EPAS1: variants seen among roughly 807,000 people sequenced by gnomAD.
The protein encoded by EPAS1 is endothelial PAS domain protein 1.
Under a neutral mutation model 87.9 loss-of-function variants are expected in EPAS1, and 23 were observed. The observed-to-expected ratio is 0.26, with a 90% CI of 0.19 to 0.37. The LOEUF (loss-of-function observed/expected upper bound fraction) is 0.37. Ranked by LOEUF, EPAS1 falls within the 10% of genes least tolerant of loss-of-function variation. The probability of loss-of-function intolerance (pLI) is 1.00; values close to 1 mark genes in which losing one functional copy is unlikely to be tolerated. For missense variants in EPAS1, 1,138 were observed against 1,120.7 expected (o/e 1.02, Z -0.22); for synonymous variants, 508 against 444.3 (o/e 1.14, Z -1.80).
intron 6 of EPAS1, among the ~76,000 whole-genome samples, chr2:46,368,826 C>T (rs1477219082): frequency 1.3e-5 from 2 of 152,110 alleles, no homozygotes; most frequent in Admixed American, 6.5e-5. Context: ...TGTGAGAGAA[C>T]CAAGATTTTG....
chr2:46,316,429 T>G (rs1683318539), intron 1 of EPAS1, among the ~76,000 whole-genome samples: 1 of 152,004 alleles, frequency 6.6e-6, no homozygotes, highest in Non-Finnish European at 1.5e-5. Context: ...CCCAGCTAAT[T>G]TTTGTGTTTT....
chr2:46,374,138 T>C, intron 7 of EPAS1, among the ~76,000 whole-genome samples: 1 of 152,208 alleles, frequency 6.6e-6, no homozygotes, highest in Admixed American at 6.5e-5. Context: ...TGTTAAATTG[T>C]GAAGAAGAAA....
Position 46,385,244 on chromosome 2 carries a change from T to G in EPAS1, c.*584T>G, listed in dbSNP as rs993959411. ...CTCTAATTTTGGAAAAAAAGAAATG[T>G]GAAGGGTCAACTCCAACGTATGTGG... is the stretch of plus-strand genomic sequence containing the variant. On this transcript the variant is annotated 3_prime_UTR_variant, in exon 16 of 16. Transcript: ENST00000263734. The G allele has an allele frequency of 1.2e-4, 19 of 153,794 alleles. No individual in the cohort carries two copies. Among genetic ancestry groups the G allele is most frequent in the African/African-American group, 4.3e-4 (18 of 41,380 alleles). 9.5% of individuals were successfully genotyped at this position (153,794 alleles called of 1,614,324 possible). A position where few individuals can be genotyped will look rare whatever the true frequency, so the allele number is the denominator to read the frequency against.
At chr2:46,325,366 T>A (rs768576301) in intron 1 of EPAS1, among the ~76,000 whole-genome samples, 1 of 152,178 alleles carries the variant, frequency 6.6e-6, no homozygotes, top group African/African-American at 2.4e-5. Flanking sequence ...TAAAGAAAAA[T>A]TCTGCCGATG....
chr2:46,366,865 G>A (rs1254467115), intron 6 of EPAS1, among the ~76,000 whole-genome samples: 1 of 152,224 alleles, frequency 6.6e-6, no homozygotes, highest in African/African-American at 2.4e-5. Context: ...TTATAAACAA[G>A]CTCGGTTCAT....
In EPAS1 at chr2:46,380,907, A is replaced by G. The variant is rs192407845; in HGVS notation, c.2045+190A>G. Among the ~76,000 whole-genome samples the G allele has an allele frequency of 6.6e-6, 1 of 152,118 alleles. No individual in the cohort carries two copies. The highest frequency in any genetic ancestry group is 2.4e-5 in the African/African-American group (1 of 41,506). On this transcript the variant is annotated intron_variant, in intron 12 of 15. Transcript: ENST00000263734. The surrounding 1 kb of genome is among the most constrained non-coding windows in gnomAD (Gnocchi z 4.4). ...GAGGCCTAGTGTAGGATGGGTTTTT[A>G]TCTGGGCTGCCACTGAGGGCAGGCA... is the stretch of plus-strand genomic sequence containing the variant.
chr2:46,361,084 A>G lies in EPAS1; in HGVS notation c.773A>G (p.Asp258Gly), dbSNP rs1684376877. 4 of 1,614,136 alleles carry G rather than the reference A, an allele frequency of 2.5e-6. No homozygotes were observed. The highest frequency in any genetic ancestry group is 3.4e-6 in the Non-Finnish European group (4 of 1,180,010). The change falls in exon 6 of 16, where the codon GAT (aspartate) becomes GGT (glycine). Residue 258 changes from aspartate (D) to glycine (G), a missense_variant. Physicochemically the swap from Asp to Gly is moderately conservative, Grantham distance 94 (BLOSUM62 -1). This residue lies in a region of EPAS1 where 351 missense variants were observed against 417.1 expected (regional missense o/e 0.84). Transcript: ENST00000263734. The stretch of plus-strand genomic sequence containing the variant: ...ATGGACATGAAGTTCACCTACTGTG[A>G]TGACAGGTAGGGGGCCATGGGTGTG... ...HSMDMKFTYCDDRITELIGYH... is the reference protein window; with the variant it reads ...HSMDMKFTYCGDRITELIGYH...
chr2:46,374,727 C>T (rs979735671), intron 7 of EPAS1, among the ~76,000 whole-genome samples: 28 of 152,086 alleles, frequency 1.8e-4, no homozygotes, highest in African/African-American at 6.8e-4. Context: ...AGAAAAATAC[C>T]AAAAATTCTA....
chr2:46,358,975 A>T (rs6544890), intron 4 of EPAS1, among the ~76,000 whole-genome samples: 98,519 of 151,824 alleles, frequency 0.65, 33,892 homozygotes, highest in East Asian at 0.89. Context: ...GAAAGAATGA[A>T]CAAGGCCAGG....
chr2:46,330,410 A>G (rs978035718), intron 1 of EPAS1, among the ~76,000 whole-genome samples: 2 of 152,214 alleles, frequency 1.3e-5, no homozygotes, highest in African/African-American at 2.4e-5. Flanking sequence ...AGTCCAGGCT[A>G]CCTTCTGCCC....
chr2:46,315,255 A>T (rs1199438619), intron 1 of EPAS1, among the ~76,000 whole-genome samples: 1 of 152,200 alleles, frequency 6.6e-6, no homozygotes, highest in Non-Finnish European at 1.5e-5. Flanking sequence ...TGAGACAGTG[A>T]GAACGGACTG....
Position 46,316,704 on chromosome 2 carries a change from G to A in EPAS1, c.26+18767G>A, listed in dbSNP as rs141643245. ...TGGCTGCAGAACTGATTAGTGTGAC[G>A]GTTGCTGAAGGTTGGGGTGGCTGTG... On this transcript the variant is annotated intron_variant, in intron 1 of 15. Coordinates refer to ENST00000263734, the MANE Select transcript of EPAS1 (RefSeq NM_001430.5). 4.9e-3 allele frequency among the ~76,000 whole-genome samples: 751 copies of A among 152,270 alleles called. 7 individuals are homozygous for A. The highest frequency in any genetic ancestry group is 0.017 in the African/African-American group (720 of 41,542).
Position 46,380,620 on chromosome 2 carries a change from A to C in EPAS1, c.1948A>C (p.Thr650Pro), listed in dbSNP as rs778679646. 1.5e-5 allele frequency: 24 copies of C among 1,613,874 alleles called. No homozygotes were observed. The East Asian group carries it at 4.9e-4, about 33-fold the overall frequency. Residue 650 changes from threonine to proline, a missense_variant, in exon 12 of 16, where the codon ACA becomes CCA. This residue lies in a region of EPAS1 where 502 missense variants were observed against 427.1 expected (regional missense o/e 1.18). Transcript: ENST00000263734. This position sits in a 1 kb window ranked among gnomAD's most constrained non-coding sequence, Gnocchi z 4.4. ...AGATCCACCATTACATTTTGGGCCC[A>C]CAAAGTGGGCCGTCGGGGATCAGCG... ...PPDPPLHFGPTKWAVGDQRTE... is the reference protein window; with the variant it reads ...PPDPPLHFGPPKWAVGDQRTE...
At chr2:46,356,334 G>A (rs775512038) in intron 3 of EPAS1, 32 bp downstream of exon 3, 1 of 1,613,862 alleles carries the variant, frequency 6.2e-7, no homozygotes, top group Non-Finnish European at 8.5e-7. Flanking sequence ...TTCAAAAGAA[G>A]AAATGTTTCC....
At position 46,297,898 on chromosome 2, in the gene EPAS1, G is replaced by C; in HGVS notation, c.-14G>C. The C allele has an allele frequency of 6.2e-7, 1 of 1,611,494 alleles. No homozygotes were observed. The stretch of plus-strand genomic sequence containing the variant: ...GTGCTCGGCGTCTGAACGTCTCAAA[G>C]GGCCACAGCGACAATGACAGCTGAC... On this transcript the variant is annotated 5_prime_UTR_variant, in exon 1 of 16. Transcript: ENST00000263734.
chr2:46,301,131 C>A (rs1285779086), intron 1 of EPAS1, among the ~76,000 whole-genome samples: 1 of 152,122 alleles, frequency 6.6e-6, no homozygotes, highest in Non-Finnish European at 1.5e-5. Context: ...GCCATCATTT[C>A]AAGTTTTTTT....
rs1427095326 is a variant in EPAS1, at chr2:46,371,343, G to C, written c.886+1410G>C. Among the ~76,000 whole-genome samples the C allele has an allele frequency of 2.0e-5, 3 of 152,216 alleles. No individual in the cohort carries two copies. The highest frequency in any genetic ancestry group is 4.4e-5 in the Non-Finnish European group (3 of 68,032). ...TGGTTAACCCACTCTTAAGGAGTGA[G>C]ATCTTTCTTTTCTTTTATTGGTTCC... is the stretch of plus-strand genomic sequence containing the variant. On this transcript the variant is annotated intron_variant, in intron 7 of 15. Transcript: ENST00000263734. This position sits in a 1 kb window ranked among gnomAD's most constrained non-coding sequence, Gnocchi z 4.3.
chr2:46,321,157 T>C (rs570905183), intron 1 of EPAS1, among the ~76,000 whole-genome samples: 2 of 152,398 alleles, frequency 1.3e-5, no homozygotes, highest in Non-Finnish European at 2.9e-5. Context: ...GTCTGGCTTA[T>C]TTCACTTAGC....
chr2:46,303,282 C>T (rs1259193217), intron 1 of EPAS1, among the ~76,000 whole-genome samples: 3 of 152,104 alleles, frequency 2.0e-5, no homozygotes, highest in Non-Finnish European at 4.4e-5. Flanking sequence ...GTCCCCGGAA[C>T]CACACAGAGT....
Sources: gnomAD v4.1 joint callset for allele counts (sites outside exome capture counted in the v4.1 genomes callset) on GRCh38, gnomAD v4.1.1 for gene constraint, gnomAD v4.1.1 regional missense constraint, Gnocchi (gnomAD v3.1) non-coding constraint, MANE v1.5 for transcripts, NCBI Gene and HGNC (gene_info 2026-07-23, HGNC 2026-07-21) for gene names.